Variants in DPY19L2 observed in about 807,000 individuals in gnomAD.
DPY19L2 encodes the protein dpy-19 like 2.
Under a neutral mutation model 97.9 loss-of-function variants are expected in DPY19L2, and 34 were observed. That is an observed-to-expected ratio of 0.35 (90% CI 0.26 to 0.46). DPY19L2 has a LOEUF of 0.46. DPY19L2 is among the 20% of genes least tolerant of loss of function. DPY19L2 has a pLI of 1.00. For missense variants in DPY19L2, 623 were observed against 911.4 expected, an observed-to-expected ratio of 0.68 and a Z score of 4.07; for synonymous variants, 230 against 307.9, an observed-to-expected ratio of 0.75 and a Z score of 2.65.
intron 11 of DPY19L2, among the ~76,000 whole-genome samples, chr12:63,612,868 A>T (rs1887243197): frequency 6.6e-6 from 1 of 152,066 alleles, no homozygotes; most frequent in Non-Finnish European, 1.5e-5. Flanking sequence ...AGATACATAA[A>T]AGAAATAAAA....
At chr12:63,632,339 C>G (rs1478399707) in intron 6 of DPY19L2, among the ~76,000 whole-genome samples, 1 of 152,160 alleles carries the variant, frequency 6.6e-6, no homozygotes, top group East Asian at 1.9e-4. Flanking sequence ...CCAAAATCTC[C>G]TTAAGCTGAT....
At chr12:63,584,272 T>G (rs761419069) in intron 16 of DPY19L2, 1 of 153,230 alleles carries the variant, frequency 6.5e-6, no homozygotes, top group Admixed American at 6.5e-5. Flanking sequence ...TCTGAATATT[T>G]CCTTAGCATA....
intron 7 of DPY19L2, 120 bp downstream of exon 7, chr12:63,626,349 G>A (rs1047517282): frequency 5.2e-5 from 63 of 1,201,548 alleles, no homozygotes; most frequent in Non-Finnish European, 7.0e-5. Flanking sequence ...TTACACAAGG[G>A]TCTTTAAAAT....
chr12:63,620,751 G>A (rs1476313935), intron 9 of DPY19L2, among the ~76,000 whole-genome samples: 4 of 151,980 alleles, frequency 2.6e-5, no homozygotes, highest in African/African-American at 7.3e-5. Context: ...ACAAAGACAC[G>A]TGCACCCATG....
chr12:63,655,336 CA>C (rs1215270832), intron 4 of DPY19L2, among the ~76,000 whole-genome samples: 5 of 152,106 alleles, frequency 3.3e-5, no homozygotes, highest in African/African-American at 1.2e-4. Flanking sequence ...GGTGAGGATA[CA>C]GATAAACCAA....
chr12:63,567,626 T>G (rs1406274045), intron 21 of DPY19L2, among the ~76,000 whole-genome samples: 1 of 152,046 alleles, frequency 6.6e-6, no homozygotes, highest in Non-Finnish European at 1.5e-5. Context: ...GAGTATTTCT[T>G]GTATATCTGA....
In DPY19L2 at chr12:63,582,463, T is replaced by C; in HGVS notation, c.1668A>G (p.Leu556=). Residue 556 remains leucine (L), a synonymous_variant, in exon 18 of 22, where the codon CTA becomes CTG. Transcript: ENST00000324472. ...FTALAILIMR[L]KMFLTPHMCV... ...ACATGTGCGGTGTCAAAAACATCTT[T>C]AGCCTCATAATTAAAATGGCAAGGG... 6.2e-7 allele frequency: 1 copy of C among 1,613,650 alleles called. No homozygotes were observed. The highest frequency in any genetic ancestry group is 8.5e-7 in the Non-Finnish European group (1 of 1,179,674).
intron 16 of DPY19L2, among the ~76,000 whole-genome samples, chr12:63,592,109 G>A (rs1367333911): frequency 7.7e-5 from 11 of 143,292 alleles, no homozygotes; most frequent in Non-Finnish European, 1.7e-4. Flanking sequence ...AAAGAAAAGA[G>A]AAGAGAAGAG....
chr12:63,640,013 A>G lies in DPY19L2; in HGVS notation c.803+4390T>C, dbSNP rs188154927. 1.2e-3 allele frequency among the ~76,000 whole-genome samples: 190 copies of G among 152,340 alleles called. No individual in the cohort carries two copies. The East Asian group carries it at 0.033, about 27-fold the overall frequency. On this transcript the variant is annotated intron_variant, in intron 6 of 21. Transcript: ENST00000324472. ...TGGCACATATACACCATGGAATACT[A>G]TGCAGCCATAAAAAATGATGAGTTC... is the stretch of plus-strand genomic sequence containing the variant.
chr12:63,639,222 T>G (rs530171451), intron 6 of DPY19L2, among the ~76,000 whole-genome samples: 2 of 152,150 alleles, frequency 1.3e-5, no homozygotes, highest in African/African-American at 2.4e-5. Context: ...ATTAAAAACT[T>G]AAATGTTAGA....
rs147328742 is a variant in DPY19L2 at position 63,597,906 on chromosome 12, C to T, written c.1364G>A (p.Arg455His). The change falls in exon 14 of 22, where the codon CGC becomes CAC. Residue 455 changes from arginine (R) to histidine (H), a missense_variant. Arg to His is a conservative substitution (Grantham distance 29, BLOSUM62 0). This residue lies in a region of DPY19L2 where 294 missense variants were observed against 446.2 expected (regional missense o/e 0.66). Coordinates refer to ENST00000324472, the MANE Select transcript of DPY19L2 (RefSeq NM_173812.5). ...TCTGGCTGCTATAAGATCACTCAGGCGAATCTGGGAGAAAATAAAGTAAAA... is the reference window on the plus strand; with the variant it reads ...TCTGGCTGCTATAAGATCACTCAGGTGAATCTGGGAGAAAATAAAGTAAAA... ...SKILGVSDHI[R>H]LSDLIAARIL... The T allele has an allele frequency of 1.9e-5, 30 of 1,589,002 alleles. No homozygotes were observed. Among genetic ancestry groups the T allele is most frequent in the East Asian group, 9.0e-5 (4 of 44,368 alleles).
At chr12:63,589,251 T>C (rs1458843908) in intron 16 of DPY19L2, among the ~76,000 whole-genome samples, 5 of 150,638 alleles carry the variant, frequency 3.3e-5, no homozygotes, top group African/African-American at 1.2e-4. Flanking sequence ...AAGTTATTAC[T>C]ATTTGTAGAT....
chr12:63,649,296 A>C (rs981140841), intron 4 of DPY19L2, among the ~76,000 whole-genome samples: 1 of 152,174 alleles, frequency 6.6e-6, no homozygotes, highest in Admixed American at 6.5e-5. Context: ...AACCAACCCG[A>C]AATCTAGCAG....
At chr12:63,570,952 G>A in intron 19 of DPY19L2, 95 bp from the exon 20 acceptor site, 3 of 1,265,066 alleles carry the variant, frequency 2.4e-6, no homozygotes, top group Non-Finnish European at 3.3e-6. Flanking sequence ...AATTAAGAAG[G>A]ATGATGCCTA....
At chr12:63,563,295 G>C (rs1250884051) in intron 21 of DPY19L2, among the ~76,000 whole-genome samples, 1 of 152,038 alleles carries the variant, frequency 6.6e-6, no homozygotes, top group African/African-American at 2.4e-5. Flanking sequence ...TTATCAATGT[G>C]TTCTCTTGTG....
intron 21 of DPY19L2, 72 bp downstream of exon 21, chr12:63,569,152 A>T: frequency 1.3e-6 from 2 of 1,486,640 alleles, no homozygotes; most frequent in Non-Finnish European, 1.8e-6. Flanking sequence ...AAGAATCAGG[A>T]CTACTATAAT....
At chr12:63,662,883 C>T (rs1895866785) in intron 3 of DPY19L2, among the ~76,000 whole-genome samples, 1 of 152,086 alleles carries the variant, frequency 6.6e-6, no homozygotes, top group Admixed American at 6.5e-5. Context: ...AGGGGCCTGG[C>T]ATAGGCAAAA....
chr12:63,566,495 A>C (rs1374807250), intron 21 of DPY19L2, among the ~76,000 whole-genome samples: 1 of 148,020 alleles, frequency 6.8e-6, no homozygotes, highest in African/African-American at 2.5e-5. Flanking sequence ...CAAATCATCC[A>C]TATCTATAAT....
In DPY19L2 at chr12:63,559,362, A is replaced by C. The variant is rs932479740; in HGVS notation, c.*1150T>G. 2 of 152,362 alleles carry C rather than the reference A, an allele frequency of 1.3e-5. No individual in the cohort carries two copies. Among genetic ancestry groups the C allele is most frequent in the African/African-American group, 4.8e-5 (2 of 41,454 alleles). 9.4% of individuals were successfully genotyped at this position (152,362 alleles called of 1,614,324 possible). A position where few individuals can be genotyped will look rare whatever the true frequency, so the allele number is the denominator to read the frequency against. ...AACATAAGGGAATTATAAAAACCCC[A>C]AGATGACTCATTTAAAGTAGATGCA... is the stretch of plus-strand genomic sequence containing the variant. On this transcript the variant is annotated 3_prime_UTR_variant, in exon 22 of 22. Coordinates refer to ENST00000324472, the MANE Select transcript of DPY19L2 (RefSeq NM_173812.5).
Sources: allele counts gnomAD v4.1 joint callset (sites outside exome capture counted in the v4.1 genomes callset), GRCh38; gene constraint gnomAD v4.1.1; regional missense constraint gnomAD v4.1.1; transcripts MANE v1.5; gene names NCBI Gene and HGNC (gene_info 2026-07-23, HGNC 2026-07-21).